XKR6: variants seen among roughly 807,000 people sequenced by gnomAD.
XKR6 encodes XK related 6.
XKR6 carries 22 observed loss-of-function variants against 56.7 expected under a neutral mutation model. The observed-to-expected ratio is 0.39, with a 90% CI of 0.28 to 0.55. The LOEUF is 0.55. Ranked by LOEUF, XKR6 falls within the 20% of genes least tolerant of loss-of-function variation. XKR6 has a pLI of 0.66. For synonymous variants in XKR6, 524 were observed against 387.8 expected, an observed-to-expected ratio of 1.35 and a Z score of -4.13; for missense variants, 852 against 889.0, an observed-to-expected ratio of 0.96 and a Z score of 0.53.
rs199618911 is a variant in XKR6 at position 10,897,923 on chromosome 8, G to A, written c.*29C>T. The A allele has an allele frequency of 2.2e-4, 336 of 1,527,592 alleles. 3 individuals are homozygous for A. In the Middle Eastern group the frequency reaches 7.7e-3, roughly 35 times the overall value. 94.6% of individuals were successfully genotyped at this position (1,527,592 alleles called of 1,614,324 possible). A position where few individuals can be genotyped will look rare whatever the true frequency, so the allele number is the denominator to read the frequency against. ...CTGTTTGCCGCAAACCAAACTTAAG[G>A]TCCCCTTCTCAACTTGGTCAAGATG... is the stretch of plus-strand genomic sequence containing the variant. On this transcript the variant is annotated 3_prime_UTR_variant, in exon 3 of 3. Coordinates refer to ENST00000416569, the MANE Select transcript of XKR6 (RefSeq NM_173683.4).
chr8:11,151,916 G>C (rs552926309), intron 1 of XKR6, among the ~76,000 whole-genome samples: 1 of 151,982 alleles, frequency 6.6e-6, no homozygotes, highest in African/African-American at 2.4e-5. Context: ...AGTACTTGTT[G>C]GGAAGGAAAA....
chr8:10,909,743 A>C (rs1800293906), intron 2 of XKR6, among the ~76,000 whole-genome samples: 1 of 152,232 alleles, frequency 6.6e-6, no homozygotes, highest in African/African-American at 2.4e-5. Context: ...CTTGGGGTTA[A>C]ACACAGGGAA....
intron 1 of XKR6, among the ~76,000 whole-genome samples, chr8:11,007,188 A>G (rs145216505): frequency 7.1e-4 from 108 of 152,320 alleles, no homozygotes; most frequent in African/African-American, 2.2e-3. Context: ...GGGATAGGTC[A>G]GGAGAGTCAT....
chr8:11,122,603 T>C (rs555649526), intron 1 of XKR6, among the ~76,000 whole-genome samples: 2 of 152,238 alleles, frequency 1.3e-5, no homozygotes, highest in African/African-American at 4.8e-5. Flanking sequence ...AAATAAGATA[T>C]TCTTTAGATA....
chr8:11,095,103 C>T (rs10087767), intron 1 of XKR6, among the ~76,000 whole-genome samples: 32,019 of 152,106 alleles, frequency 0.21, 3,841 homozygotes, highest in Non-Finnish European at 0.28. Context: ...AAATCTTTAA[C>T]GAGAAAGCCT....
chr8:11,053,609 T>G (rs1799608995), intron 1 of XKR6, among the ~76,000 whole-genome samples: 1 of 152,212 alleles, frequency 6.6e-6, no homozygotes, highest in Non-Finnish European at 1.5e-5. Context: ...ACAGATGAGC[T>G]CTGATTGACT....
intron 1 of XKR6, among the ~76,000 whole-genome samples, chr8:10,988,988 G>A (rs984016558): frequency 1.3e-5 from 2 of 152,196 alleles, no homozygotes; most frequent in Admixed American, 6.5e-5. Flanking sequence ...TGCTTGACAC[G>A]AGCAATAGAT....
At chr8:11,164,278 T>C (rs1013854322) in intron 1 of XKR6, among the ~76,000 whole-genome samples, 13 of 152,246 alleles carry the variant, frequency 8.5e-5, no homozygotes, top group African/African-American at 2.7e-4. Context: ...TTGTGTGGCA[T>C]AGCAGCCATG....
At chr8:10,929,841 T>C (rs1801005471) in intron 1 of XKR6, among the ~76,000 whole-genome samples, 1 of 152,202 alleles carries the variant, frequency 6.6e-6, no homozygotes, top group South Asian at 2.1e-4. Flanking sequence ...GCCCTGTTCC[T>C]GTGTTCCCTC....
intron 1 of XKR6, among the ~76,000 whole-genome samples, chr8:11,000,530 C>A (rs889268657): frequency 9.2e-5 from 14 of 151,962 alleles, no homozygotes; most frequent in African/African-American, 3.4e-4. Flanking sequence ...ACTAAAAATG[C>A]AAAAATTAGC....
At chr8:11,148,692 A>C (rs1015845610) in intron 1 of XKR6, among the ~76,000 whole-genome samples, 1 of 152,238 alleles carries the variant, frequency 6.6e-6, no homozygotes, top group Non-Finnish European at 1.5e-5. Flanking sequence ...ATCGAGGAGA[A>C]ATAAAAACAT....
chr8:11,111,451 G>C (rs1798887190), intron 1 of XKR6, among the ~76,000 whole-genome samples: 2 of 152,144 alleles, frequency 1.3e-5, no homozygotes, highest in African/African-American at 4.8e-5. Context: ...GCCATTCTGA[G>C]ACCGGTTCCA....
chr8:11,044,375 C>G (rs1465550412), intron 1 of XKR6, among the ~76,000 whole-genome samples: 1 of 152,180 alleles, frequency 6.6e-6, no homozygotes, highest in Admixed American at 6.6e-5. Context: ...CAGCCAACCC[C>G]TTCAGCAAAA....
At chr8:10,927,724 G>A (rs1448578927) in intron 1 of XKR6, among the ~76,000 whole-genome samples, 1 of 152,196 alleles carries the variant, frequency 6.6e-6, no homozygotes, top group Non-Finnish European at 1.5e-5. Context: ...CAACTGGGAT[G>A]CCTGCCAGGA....
chr8:11,047,459 C>A (rs1799438788), intron 1 of XKR6, among the ~76,000 whole-genome samples: 1 of 152,202 alleles, frequency 6.6e-6, no homozygotes, highest in African/African-American at 2.4e-5. Flanking sequence ...TGCTTTAATG[C>A]AAATATAAAC....
chr8:10,965,086 G>C (rs935585793), intron 1 of XKR6, among the ~76,000 whole-genome samples: 1 of 152,228 alleles, frequency 6.6e-6, no homozygotes, highest in African/African-American at 2.4e-5. Context: ...TGGGCTCTCA[G>C]CTTAGGAAAC....
chr8:11,114,357 T>A (rs1799056882), intron 1 of XKR6, among the ~76,000 whole-genome samples: 1 of 152,164 alleles, frequency 6.6e-6, no homozygotes, highest in Admixed American at 6.5e-5. Flanking sequence ...TATAAAACAC[T>A]GATTTATTTA....
chr8:10,945,976 C>T (rs557079103), intron 1 of XKR6, among the ~76,000 whole-genome samples: 180 of 152,214 alleles, frequency 1.2e-3, no homozygotes, highest in African/African-American at 3.7e-3. Flanking sequence ...CCTCTCTAGC[C>T]CCCACGCAGT....
intron 1 of XKR6, among the ~76,000 whole-genome samples, chr8:11,037,274 G>T (rs1323034531): frequency 6.6e-6 from 1 of 152,176 alleles, no homozygotes; most frequent in Non-Finnish European, 1.5e-5. Flanking sequence ...CACCCAGGCT[G>T]GAGTGTGGTG....
Sources: gnomAD v4.1 joint callset for allele counts (sites outside exome capture counted in the v4.1 genomes callset) on GRCh38, gnomAD v4.1.1 for gene constraint, MANE v1.5 for transcripts, NCBI Gene and HGNC (gene_info 2026-07-23, HGNC 2026-07-21) for gene names.